ZNF674: variants seen among roughly 807,000 people sequenced by gnomAD.
The protein encoded by ZNF674 is zinc finger protein 674.
ZNF674 carries 2 observed loss-of-function variants against 7.0 expected under a neutral mutation model. The observed-to-expected ratio is 0.29, with a 90% confidence interval of 0.12 to 0.90. ZNF674 has a LOEUF of 0.90. Among genes scored for constraint, ZNF674 ranks in the 40% least tolerant of loss-of-function variants. The pLI is 0.57. For synonymous variants in ZNF674, 103 were observed against 145.2 expected (o/e 0.71, Z 2.09); for missense variants, 297 against 415.5 (o/e 0.71, Z 2.48).
chrX:46,523,512 G>T (rs1796627283), intron 5 of ZNF674: 1 of 109,876 alleles, frequency 9.1e-6, no homozygotes, highest in African/African-American at 3.3e-5. Context: ...TGTATTTTTA[G>T]TAGAGACAGG....
intron 3 of ZNF674, among the ~76,000 whole-genome samples, chrX:46,540,198 T>G (rs933554859): frequency 9.1e-6 from 1 of 109,628 alleles, no homozygotes; most frequent in African/African-American, 3.3e-5. Flanking sequence ...GAGCCGAGAT[T>G]TTGCCACTGC....
chrX:46,509,731 C>T (rs1441633536), intron 5 of ZNF674, among the ~76,000 whole-genome samples: 2 of 95,310 alleles, frequency 2.1e-5, no homozygotes, highest in South Asian at 5.7e-4. Flanking sequence ...GTCAGTGTGG[C>T]GATTCCTCAG....
At chrX:46,527,493 C>T (rs900148002) in intron 5 of ZNF674, among the ~76,000 whole-genome samples, 7 of 111,151 alleles carry the variant, frequency 6.3e-5, no homozygotes, top group Non-Finnish European at 1.3e-4. Context: ...ATGTGAAACA[C>T]GTGGAACTCA....
chrX:46,509,785 C>G (rs754387545), intron 5 of ZNF674, among the ~76,000 whole-genome samples: 1 of 101,726 alleles, frequency 9.8e-6, no homozygotes, highest in Non-Finnish European at 2.0e-5. Context: ...CATCCCATTA[C>G]TGGGTATATA....
rs750665510 is a variant in ZNF674, at chrX:46,499,043, A to C, written c.*800T>G. On this transcript the variant is annotated 3_prime_UTR_variant, in exon 6 of 6. Transcript: ENST00000683375. ...ATATCTATAATACAAGTGCTTTGGGAGGCAAAGGTGGGAGGATCAATTAAC... is the reference window on the plus strand; with the variant it reads ...ATATCTATAATACAAGTGCTTTGGGCGGCAAAGGTGGGAGGATCAATTAAC... 8.9e-6 allele frequency: 1 copy of C among 112,376 alleles called. No homozygotes were observed. Among genetic ancestry groups the C allele is most frequent in the South Asian group, 3.7e-4 (1 of 2,728 alleles). 9.3% of individuals were successfully genotyped at this position (112,376 alleles called of 1,213,427 possible).
At chrX:46,539,133 T>G (rs771839820) in intron 3 of ZNF674, among the ~76,000 whole-genome samples, 59 of 112,163 alleles carry the variant, frequency 5.3e-4, no homozygotes, top group African/African-American at 1.7e-3. Context: ...TGCAGTGAGC[T>G]GTGATCGTGC....
chrX:46,523,354 G>A (rs183381793), intron 5 of ZNF674: 2,576 of 121,623 alleles, frequency 0.021, 68 homozygotes, highest in African/African-American at 0.079. Context: ...TTTTTGAGAT[G>A]AAGTCTCACT....
intron 5 of ZNF674, among the ~76,000 whole-genome samples, chrX:46,502,942 C>T (rs1941462545): frequency 8.9e-6 from 1 of 111,909 alleles, no homozygotes; most frequent in South Asian, 3.7e-4. Flanking sequence ...GTATGGGAGT[C>T]GTCTTGGGGA....
At chrX:46,538,164 T>A (rs190759675) in intron 3 of ZNF674, among the ~76,000 whole-genome samples, 304 of 111,955 alleles carry the variant, frequency 2.7e-3, no homozygotes, top group African/African-American at 9.5e-3. Flanking sequence ...ATTTTTCAAA[T>A]ATATATTTAG....
chrX:46,504,836 T>A (rs919168073), intron 5 of ZNF674, among the ~76,000 whole-genome samples: 4 of 111,075 alleles, frequency 3.6e-5, no homozygotes, highest in Non-Finnish European at 7.5e-5. Context: ...GGACTTCAAC[T>A]TTATTTGTAA....
chrX:46,513,255 C>T (rs942101488), intron 5 of ZNF674, among the ~76,000 whole-genome samples: 15 of 108,960 alleles, frequency 1.4e-4, no homozygotes, highest in South Asian at 3.9e-4. Flanking sequence ...AGTGAGACTA[C>T]GTCTCAAAAA....
intron 3 of ZNF674, among the ~76,000 whole-genome samples, chrX:46,541,842 G>A (rs1394555079): frequency 8.9e-6 from 1 of 112,031 alleles, no homozygotes; most frequent in African/African-American, 3.2e-5. Context: ...TCTCTGAGAA[G>A]AAGAAGAAAA....
chrX:46,539,014 A>C (rs780548804), intron 3 of ZNF674, among the ~76,000 whole-genome samples: 6 of 110,268 alleles, frequency 5.4e-5, no homozygotes, highest in Non-Finnish European at 1.1e-4. Flanking sequence ...GCAAAATCCT[A>C]TCTCTACAAA....
intron 5 of ZNF674, chrX:46,523,596 T>C (rs1941954220): frequency 9.0e-6 from 1 of 111,236 alleles, no homozygotes; most frequent in African/African-American, 3.3e-5. Flanking sequence ...CCCAAAGTGC[T>C]GGGATTACAG....
intron 1 of ZNF674, among the ~76,000 whole-genome samples, chrX:46,545,145 G>A (rs1485834342): frequency 9.0e-6 from 1 of 110,831 alleles, no homozygotes; most frequent in African/African-American, 3.3e-5. Context: ...AGAGTGTCTG[G>A]CAGTTACCAC....
At chrX:46,529,322 A>G (rs867854477) in intron 3 of ZNF674, 1 of 169,050 alleles carries the variant, frequency 5.9e-6, no homozygotes, top group South Asian at 1.3e-4. Flanking sequence ...CATTCAACAC[A>G]TGTTTACTGA....
intron 5 of ZNF674, among the ~76,000 whole-genome samples, chrX:46,515,944 A>C (rs1941756643): frequency 9.0e-6 from 1 of 111,330 alleles, no homozygotes; most frequent in Admixed American, 9.7e-5. Flanking sequence ...TGTATGCCAA[A>C]TTAAACCACA....
rs931151934 is a variant in ZNF674, at chrX:46,498,478, A to C, written c.*1365T>G. 9.0e-6 allele frequency: 1 copy of C among 111,191 alleles called. No individual in the cohort carries two copies. The highest frequency in any genetic ancestry group is 1.9e-5 in the Non-Finnish European group (1 of 53,137). The allele number at this position is 111,191 out of a possible 1,213,427, so 9.2% of individuals were successfully genotyped here. On this transcript the variant is annotated 3_prime_UTR_variant, in exon 6 of 6. Transcript: ENST00000683375. The stretch of plus-strand genomic sequence containing the variant: ...TGAGATCTTTGTTTCAGGGATCCTG[A>C]TGACTCATCCTCTCTTACCCTATTT...
chrX:46,537,413 A>T (rs1287341813), intron 3 of ZNF674, among the ~76,000 whole-genome samples: 1 of 111,929 alleles, frequency 8.9e-6, no homozygotes, highest in Non-Finnish European at 1.9e-5. Flanking sequence ...ATATATATAA[A>T]ACAAAAAAAT....
Sources: allele counts gnomAD v4.1 joint callset (sites outside exome capture counted in the v4.1 genomes callset), GRCh38; gene constraint gnomAD v4.1.1; transcripts MANE v1.5; gene names NCBI Gene and HGNC (gene_info 2026-07-23, HGNC 2026-07-21).